Variants in LMX1A observed in about 807,000 individuals in gnomAD.
The protein encoded by LMX1A is LIM homeobox transcription factor 1 alpha, also known as LIM homeobox transcription factor 1-alpha.
LMX1A carries 15 observed loss-of-function variants against 49.1 expected under a neutral mutation model. The observed-to-expected ratio is 0.31, with a 90% confidence interval of 0.20 to 0.47. The LOEUF (loss-of-function observed/expected upper bound fraction) is 0.47. Ranked by LOEUF, LMX1A falls within the 20% of genes least tolerant of loss-of-function variation. The pLI is 1.00. For synonymous variants in LMX1A, 167 were observed against 185.7 expected (o/e 0.90, Z 0.82); for missense variants, 372 against 475.8 (o/e 0.78, Z 2.03).
intron 3 of LMX1A, among the ~76,000 whole-genome samples, chr1:165,314,080 C>T (rs572940131): frequency 3.9e-5 from 6 of 152,176 alleles, no homozygotes; most frequent in Non-Finnish European, 8.8e-5. Flanking sequence ...GAGAGGCAAC[C>T]AAGCCAGCTC....
At chr1:165,301,062 C>T (rs1436981957) in intron 3 of LMX1A, among the ~76,000 whole-genome samples, 1 of 152,190 alleles carries the variant, frequency 6.6e-6, no homozygotes, top group African/African-American at 2.4e-5. Flanking sequence ...GCCCACTGTG[C>T]AAATATGCAT....
chr1:165,227,758 G>A (rs1000528354), intron 4 of LMX1A, among the ~76,000 whole-genome samples: 4 of 152,070 alleles, frequency 2.6e-5, no homozygotes, highest in Non-Finnish European at 1.5e-5. Context: ...TTTCATCACA[G>A]CTAAGTAATA....
chr1:165,298,380 G>T (rs1309037910), intron 3 of LMX1A, among the ~76,000 whole-genome samples: 1 of 152,146 alleles, frequency 6.6e-6, no homozygotes, highest in Admixed American at 6.5e-5. Flanking sequence ...GGCTGAGGCA[G>T]CCATCAGGGA....
chr1:165,319,430 C>A (rs540270561), intron 3 of LMX1A, among the ~76,000 whole-genome samples: 187 of 152,122 alleles, frequency 1.2e-3, no homozygotes, highest in Non-Finnish European at 2.1e-3. Context: ...AGAAATCGAA[C>A]CTTTAAAAAT....
chr1:165,210,668 TGG>T, intron 6 of LMX1A, 29 bp downstream of exon 6: 1 of 1,550,346 alleles, frequency 6.5e-7, no homozygotes, highest in Non-Finnish European at 8.9e-7. Flanking sequence ...ACCAGCAACA[TGG>T]GGACAGATAA....
intron 3 of LMX1A, among the ~76,000 whole-genome samples, chr1:165,274,885 T>C (rs1653917002): frequency 6.6e-6 from 1 of 152,088 alleles, no homozygotes; most frequent in African/African-American, 2.4e-5. Flanking sequence ...AACACTTACC[T>C]CATAAGGTAG....
intron 3 of LMX1A, among the ~76,000 whole-genome samples, chr1:165,308,728 A>G (rs1654989682): frequency 6.6e-6 from 1 of 152,044 alleles, no homozygotes; most frequent in African/African-American, 2.4e-5. Flanking sequence ...ATTACATTCC[A>G]CAGCTTGGGT....
At chr1:165,324,011 C>A (rs2101746417) in intron 3 of LMX1A, among the ~76,000 whole-genome samples, 1 of 152,214 alleles carries the variant, frequency 6.6e-6, no homozygotes, top group African/African-American at 2.4e-5. Context: ...CAAAATTAAC[C>A]CACATCACTT....
At chr1:165,239,873 T>C (rs2134940) in intron 4 of LMX1A, among the ~76,000 whole-genome samples, 152,133 of 152,378 alleles carry the variant, frequency 1, 75,944 homozygotes, top group Middle Eastern at 1. Flanking sequence ...TTTGTGCCTT[T>C]TGTCTTATTC....
chr1:165,345,424 T>C (rs1656211139), intron 3 of LMX1A, among the ~76,000 whole-genome samples: 1 of 152,152 alleles, frequency 6.6e-6, no homozygotes, highest in Non-Finnish European at 1.5e-5. Flanking sequence ...ATGAGTGATG[T>C]GTTTACATCC....
intron 3 of LMX1A, among the ~76,000 whole-genome samples, chr1:165,308,395 T>A (rs1197627859): frequency 6.6e-6 from 1 of 152,222 alleles, no homozygotes; most frequent in Non-Finnish European, 1.5e-5. Context: ...TCATTCTGAA[T>A]TCAATAAGGC....
intron 3 of LMX1A, among the ~76,000 whole-genome samples, chr1:165,347,653 T>C (rs977586172): frequency 6.6e-6 from 1 of 152,274 alleles, no homozygotes; most frequent in East Asian, 1.9e-4. Context: ...GTGGATGTGA[T>C]TGCACTTTTT....
At chr1:165,207,980 C>A in intron 7 of LMX1A, 83 bp downstream of exon 7, 1 of 1,183,592 alleles carries the variant, frequency 8.4e-7, no homozygotes. Flanking sequence ...GATATGTCAT[C>A]CAAAGAGCTG....
chr1:165,288,953 G>A (rs1262195908), intron 3 of LMX1A, among the ~76,000 whole-genome samples: 3 of 152,176 alleles, frequency 2.0e-5, no homozygotes, highest in African/African-American at 7.2e-5. Context: ...AAAATCACTA[G>A]GTAATATCCA....
At position 165,275,689 on chromosome 1, in the gene LMX1A, T is replaced by A. The variant is rs192889507; in HGVS notation, c.264-26049A>T. ...GGGAAGAAGAGCTGCTGAATCACTCTTGGGACTGGAAGGGGGCTGGTGGAG... is the reference window on the plus strand; with the variant it reads ...GGGAAGAAGAGCTGCTGAATCACTCATGGGACTGGAAGGGGGCTGGTGGAG... On this transcript the variant is annotated intron_variant, in intron 3 of 8. Transcript: ENST00000342310. Among the ~76,000 whole-genome samples, 378 of 152,140 alleles carry A rather than the reference T, an allele frequency of 2.5e-3. 1 individual carries two copies. The highest frequency in any genetic ancestry group is 8.4e-3 in the African/African-American group (349 of 41,486).
intron 5 of LMX1A, among the ~76,000 whole-genome samples, chr1:165,211,840 T>C (rs979946968): frequency 7.2e-5 from 11 of 152,142 alleles, no homozygotes; most frequent in Admixed American, 5.9e-4. Context: ...TTCCCTTCCC[T>C]TGCTTCCTGG....
chr1:165,271,826 G>C (rs541866774), intron 3 of LMX1A, among the ~76,000 whole-genome samples: 1 of 152,302 alleles, frequency 6.6e-6, no homozygotes, highest in African/African-American at 2.4e-5. Flanking sequence ...GGACAGGACA[G>C]AGCCATGCCA....
chr1:165,334,435 A>G (rs971649386), intron 3 of LMX1A, among the ~76,000 whole-genome samples: 3 of 152,174 alleles, frequency 2.0e-5, no homozygotes, highest in Non-Finnish European at 4.4e-5. Flanking sequence ...TTAAAACTCA[A>G]AACATTCCTT....
intron 3 of LMX1A, among the ~76,000 whole-genome samples, chr1:165,260,452 T>C (rs1171028427): frequency 6.6e-6 from 1 of 152,224 alleles, no homozygotes; most frequent in East Asian, 1.9e-4. Flanking sequence ...CACACCAAAC[T>C]CTCCATAAAT....
Sources: allele counts gnomAD v4.1 joint callset (sites outside exome capture counted in the v4.1 genomes callset), GRCh38; gene constraint gnomAD v4.1.1; transcripts MANE v1.5; gene names NCBI Gene and HGNC (gene_info 2026-07-23, HGNC 2026-07-21).